SGMS1: variants seen among roughly 807,000 people sequenced by gnomAD.
SGMS1 encodes the protein sphingomyelin synthase 1.
In SGMS1, 13 loss-of-function variants were observed where a neutral mutation model predicts 46.2. The observed-to-expected ratio is 0.28, with a 90% CI of 0.18 to 0.45. SGMS1 has a LOEUF of 0.45. Ranked by LOEUF, SGMS1 falls within the 20% of genes least tolerant of loss-of-function variation. The pLI, the probability that SGMS1 is intolerant of heterozygous loss-of-function variation, is 1.00. For missense variants in SGMS1, 324 were observed against 519.9 expected (o/e 0.62, Z 3.66); for synonymous variants, 203 against 187.8 (o/e 1.08, Z -0.66).
At chr10:50,471,409 T>C (rs375852619) in intron 3 of SGMS1, among the ~76,000 whole-genome samples, 3 of 152,150 alleles carry the variant, frequency 2.0e-5, no homozygotes, top group Non-Finnish European at 2.9e-5. Context: ...CAGGGAGTCA[T>C]AACACCGAGC....
intron 6 of SGMS1, among the ~76,000 whole-genome samples, chr10:50,381,744 T>G (rs1324301185): frequency 1.3e-5 from 2 of 152,220 alleles, no homozygotes; most frequent in African/African-American, 4.8e-5. Context: ...TTGCCCACAG[T>G]GGGCTTGGGC....
intron 6 of SGMS1, among the ~76,000 whole-genome samples, chr10:50,364,034 TAA>T (rs1477094448): frequency 2.6e-5 from 4 of 151,752 alleles, no homozygotes; most frequent in African/African-American, 9.7e-5. Flanking sequence ...GAGAGAATTT[TAA>T]AAAGAGAGCT....
chr10:50,616,866 A>AG (rs746872473), intron 1 of SGMS1, among the ~76,000 whole-genome samples: 3 of 152,258 alleles, frequency 2.0e-5, no homozygotes, highest in Non-Finnish European at 1.5e-5. Flanking sequence ...ACAATAAGAC[A>AG]GAAAATCTTA....
In SGMS1 at chr10:50,377,583, G is replaced by A. The variant is rs999798845; in HGVS notation, c.-231-33238C>T. ...TGGTACGCCATACTTCTCAGCTAAT[G>A]AGATTTTGGACTCTATCTTGAACTG... On this transcript the variant is annotated intron_variant, in intron 6 of 10. Transcript: ENST00000361781. Among the ~76,000 whole-genome samples, 5 of 152,266 alleles carry A rather than the reference G, an allele frequency of 3.3e-5. No homozygotes were observed. The Middle Eastern group carries it at 0.01, about 311-fold the overall frequency.
chr10:50,308,299 T>C (rs545586539), intron 9 of SGMS1, 151 bp from the exon 10 acceptor site: 1 of 668,130 alleles, frequency 1.5e-6, no homozygotes, highest in Non-Finnish European at 2.4e-6. Context: ...CATTTATCTG[T>C]AACCAAGGTT....
At chr10:50,406,704 C>CTTTTTTT (rs11424535) in intron 6 of SGMS1, among the ~76,000 whole-genome samples, 3 of 145,034 alleles carry the variant, frequency 2.1e-5, no homozygotes, top group Non-Finnish European at 3.0e-5. Context: ...AGCTATAATT[C>CTTTTTTT]TTTTTTTTTT....
At chr10:50,414,525 T>C (rs1210955747) in intron 6 of SGMS1, among the ~76,000 whole-genome samples, 2 of 152,248 alleles carry the variant, frequency 1.3e-5, no homozygotes, top group African/African-American at 4.8e-5. Flanking sequence ...TAGGATCTAA[T>C]ATATACAATT....
chr10:50,546,641 A>T (rs1331312932), intron 2 of SGMS1, among the ~76,000 whole-genome samples: 2 of 152,156 alleles, frequency 1.3e-5, no homozygotes, highest in East Asian at 3.9e-4. Flanking sequence ...CAAACACCGC[A>T]TGTTCTCACT....
intron 6 of SGMS1, among the ~76,000 whole-genome samples, chr10:50,376,351 A>C (rs552859524): frequency 9.2e-4 from 140 of 152,274 alleles, no homozygotes; most frequent in African/African-American, 3.2e-3. Flanking sequence ...ACAATTAGGA[A>C]CCAGAGAGTC....
chr10:50,467,313 T>A (rs900677740), intron 3 of SGMS1, among the ~76,000 whole-genome samples: 1 of 152,140 alleles, frequency 6.6e-6, no homozygotes, highest in Non-Finnish European at 1.5e-5. Flanking sequence ...TTTCAAACCA[T>A]AATAATTACC....
chr10:50,325,133 G>C (rs949650850), intron 8 of SGMS1, among the ~76,000 whole-genome samples: 2 of 152,106 alleles, frequency 1.3e-5, no homozygotes, highest in African/African-American at 4.8e-5. Context: ...GTGAAATGAC[G>C]TTACCTGGGA....
intron 3 of SGMS1, among the ~76,000 whole-genome samples, chr10:50,475,286 A>C (rs1253375756): frequency 1.3e-5 from 2 of 152,202 alleles, no homozygotes; most frequent in Admixed American, 1.3e-4. Context: ...ATATTGATAC[A>C]TTTATTTCAG....
In SGMS1 at chr10:50,311,254, A is replaced by G. The variant is rs531014433; in HGVS notation, c.895+8T>C. On this transcript the variant is annotated splice_region_variant and intron_variant, in intron 9 of 10. Coordinates refer to ENST00000361781, the MANE Select transcript of SGMS1 (RefSeq NM_147156.4). ...GAGGAAATTACAATGGAAGTCTTTT[A>G]GACTTACACTCTTTGATAAATAAGT... The G allele has an allele frequency of 1.1e-5, 18 of 1,610,030 alleles. No individual in the cohort carries two copies. The South Asian group carries it at 1.5e-4, about 14-fold the overall frequency.
intron 2 of SGMS1, among the ~76,000 whole-genome samples, chr10:50,526,853 T>G (rs551780003): frequency 6.0e-5 from 9 of 151,146 alleles, no homozygotes; most frequent in African/African-American, 1.9e-4. Context: ...GATCACGAGG[T>G]CAAGAGATCG....
At chr10:50,571,455 G>C (rs1200649164) in intron 2 of SGMS1, among the ~76,000 whole-genome samples, 2 of 152,196 alleles carry the variant, frequency 1.3e-5, no homozygotes, top group East Asian at 3.8e-4. Context: ...AGCAAAGCCT[G>C]GCACCTTTTC....
intron 5 of SGMS1, among the ~76,000 whole-genome samples, chr10:50,459,732 C>A (rs1248448265): frequency 6.6e-6 from 1 of 152,118 alleles, no homozygotes; most frequent in African/African-American, 2.4e-5. Flanking sequence ...AACTCTGCTT[C>A]AAAAAGGGAA....
At chr10:50,454,050 C>CAAAAAAA (rs71846628) in intron 5 of SGMS1, among the ~76,000 whole-genome samples, 207 of 97,736 alleles carry the variant, frequency 2.1e-3, no homozygotes, top group Non-Finnish European at 2.7e-3. Flanking sequence ...TTTACATAGG[C>CAAAAAAA]AAAAAAAAAA....
chr10:50,567,277 T>C (rs1161661783), intron 2 of SGMS1, among the ~76,000 whole-genome samples: 1 of 152,154 alleles, frequency 6.6e-6, no homozygotes, highest in Non-Finnish European at 1.5e-5. Flanking sequence ...TATTGCTATC[T>C]TTATTGGGGA....
At chr10:50,587,233 T>C (rs1346535375) in intron 2 of SGMS1, among the ~76,000 whole-genome samples, 1 of 152,166 alleles carries the variant, frequency 6.6e-6, no homozygotes, top group African/African-American at 2.4e-5. Flanking sequence ...TTGGAAAATT[T>C]TTTTGGAGAT....
Sources: gnomAD v4.1 joint callset for allele counts (sites outside exome capture counted in the v4.1 genomes callset) on GRCh38, gnomAD v4.1.1 for gene constraint, MANE v1.5 for transcripts, NCBI Gene and HGNC (gene_info 2026-07-23, HGNC 2026-07-21) for gene names.